GLCCI1: variants seen among roughly 807,000 people sequenced by gnomAD.
The protein encoded by GLCCI1 is glucocorticoid-induced transcript 1 protein.
A neutral mutation model predicts 52.2 loss-of-function variants in GLCCI1; 24 were observed. That is an observed-to-expected ratio of 0.46 (90% CI 0.33 to 0.65). The LOEUF is 0.65. GLCCI1 is among the 30% of genes least tolerant of loss of function. The probability of loss-of-function intolerance (pLI) is 0.02; values close to 1 mark genes in which losing one functional copy is unlikely to be tolerated. For synonymous variants in GLCCI1, 310 were observed against 276.5 expected, an observed-to-expected ratio of 1.12 and a Z score of -1.20; for missense variants, 704 against 701.5, an observed-to-expected ratio of 1.00 and a Z score of -0.04.
intron 1 of GLCCI1, among the ~76,000 whole-genome samples, chr7:7,976,841 G>C (rs534508149): frequency 4.0e-5 from 6 of 151,764 alleles, no homozygotes; most frequent in South Asian, 2.1e-4. Context: ...AGGATCACTT[G>C]AGCCCAGGCG....
chr7:7,998,198 GTT>G (rs1780979263), intron 1 of GLCCI1, among the ~76,000 whole-genome samples: 1 of 142,018 alleles, frequency 7.0e-6, no homozygotes, highest in South Asian at 2.2e-4. Context: ...TTTTGTTGTT[GTT>G]GTTTTTTGTT....
At position 8,067,417 on chromosome 7, in the gene GLCCI1, T is replaced by G. The variant is rs1303857883; in HGVS notation, c.967-3504T>G. On this transcript the variant is annotated intron_variant, in intron 5 of 7. Coordinates refer to ENST00000223145, the MANE Select transcript of GLCCI1 (RefSeq NM_138426.4). ...GATATGTACATGATCCTTCATTGTG[T>G]TGTTAGCTGGTTACTTTGCAGACTT... Among the ~76,000 whole-genome samples the G allele has an allele frequency of 5.9e-5, 9 of 152,218 alleles. No homozygotes were observed. In the East Asian group the frequency reaches 1.7e-3, roughly 29 times the overall value.
Position 8,022,574 on chromosome 7 carries a change from G to T in GLCCI1, c.696+5G>T, listed in dbSNP as rs751196490. 1 of 1,545,264 alleles carries T rather than the reference G, an allele frequency of 6.5e-7. No homozygotes were observed. The highest frequency in any genetic ancestry group is 8.7e-7 in the Non-Finnish European group (1 of 1,143,598). Reference sequence around the variant, plus strand: ...AGTGCTGATCAACTAAAAGAGGTAAGTTATTTCTGTTTTCCGTCTGTAACC... The same window carrying T: ...AGTGCTGATCAACTAAAAGAGGTAATTTATTTCTGTTTTCCGTCTGTAACC... On this transcript the variant is annotated splice_donor_5th_base_variant and intron_variant, in intron 3 of 7. Transcript: ENST00000223145.
At chr7:8,073,840 A>G (rs1299458060) in intron 6 of GLCCI1, among the ~76,000 whole-genome samples, 1 of 152,158 alleles carries the variant, frequency 6.6e-6, no homozygotes, top group Non-Finnish European at 1.5e-5. Flanking sequence ...GTTTCATAAT[A>G]TCTACCATAT....
rs1413887995 is a variant in GLCCI1, at chr7:8,088,524, A to ATTTT, written c.*1988_*1989insTTTT. 6.6e-6 allele frequency: 1 copy of ATTTT among 152,610 alleles called. No individual in the cohort carries two copies. The highest frequency in any genetic ancestry group is 1.5e-5 in the Non-Finnish European group (1 of 68,024). The allele number at this position is 152,610 out of a possible 1,614,324, so 9.5% of individuals were successfully genotyped here. On this transcript the variant is annotated 3_prime_UTR_variant, in exon 8 of 8. Coordinates refer to ENST00000223145, the MANE Select transcript of GLCCI1 (RefSeq NM_138426.4). ...TTGATGAAAATACTATATTTTGTAG[A>ATTTT]TTATGGTTAAAGGGGGAAAATTACT...
At chr7:8,038,621 C>G (rs1781923256) in intron 3 of GLCCI1, among the ~76,000 whole-genome samples, 1 of 152,130 alleles carries the variant, frequency 6.6e-6, no homozygotes, top group Non-Finnish European at 1.5e-5. Context: ...GGATTAGAGA[C>G]TTAAATGTAA....
chr7:8,022,123 C>G (rs1781505117), intron 2 of GLCCI1, among the ~76,000 whole-genome samples: 1 of 152,040 alleles, frequency 6.6e-6, no homozygotes, highest in African/African-American at 2.4e-5. Flanking sequence ...TTCATTTTAC[C>G]TCTATTGAAT....
intron 1 of GLCCI1, among the ~76,000 whole-genome samples, chr7:7,975,921 G>T (rs1272099464): frequency 6.6e-6 from 1 of 152,138 alleles, no homozygotes; most frequent in Non-Finnish European, 1.5e-5. Flanking sequence ...GAATATAAGT[G>T]CTTTTCTCCC....
chr7:8,054,632 T>G (rs1419236948), intron 3 of GLCCI1, among the ~76,000 whole-genome samples: 1 of 152,120 alleles, frequency 6.6e-6, no homozygotes, highest in African/African-American at 2.4e-5. Flanking sequence ...ATATCTTTGT[T>G]GTATCTCTCT....
At chr7:8,012,116 G>C (rs543426139) in intron 2 of GLCCI1, among the ~76,000 whole-genome samples, 1 of 152,124 alleles carries the variant, frequency 6.6e-6, no homozygotes, top group Admixed American at 6.6e-5. Flanking sequence ...TGCCCAGCCA[G>C]GGGTCCAGTT....
At chr7:7,983,015 A>G (rs3209428) in intron 1 of GLCCI1, among the ~76,000 whole-genome samples, 1 of 152,192 alleles carries the variant, frequency 6.6e-6, no homozygotes, top group African/African-American at 2.4e-5. Context: ...TCTTTAGGAC[A>G]CTTGCCCCGT....
At chr7:8,002,705 T>C (rs994838074) in intron 1 of GLCCI1, among the ~76,000 whole-genome samples, 1 of 152,232 alleles carries the variant, frequency 6.6e-6, no homozygotes, top group African/African-American at 2.4e-5. Flanking sequence ...ATGTGAGATA[T>C]GACTCTGAAA....
intron 1 of GLCCI1, among the ~76,000 whole-genome samples, chr7:8,001,117 C>G (rs1018045162): frequency 6.6e-6 from 1 of 152,204 alleles, no homozygotes; most frequent in African/African-American, 2.4e-5. Context: ...TTATTTGATG[C>G]AGTTTCTTCC....
chr7:7,993,740 A>G (rs1780889517), intron 1 of GLCCI1, among the ~76,000 whole-genome samples: 1 of 151,794 alleles, frequency 6.6e-6, no homozygotes, highest in South Asian at 2.1e-4. Flanking sequence ...TGACTTTATT[A>G]TGTTGTAGAT....
intron 1 of GLCCI1, among the ~76,000 whole-genome samples, chr7:7,974,906 A>T (rs1180923913): frequency 6.6e-6 from 1 of 152,118 alleles, no homozygotes; most frequent in Non-Finnish European, 1.5e-5. Flanking sequence ...TCTTTTATTA[A>T]GTGTCTAAGA....
intron 1 of GLCCI1, among the ~76,000 whole-genome samples, chr7:7,974,039 A>G (rs927898718): frequency 6.6e-6 from 1 of 152,140 alleles, no homozygotes; most frequent in Non-Finnish European, 1.5e-5. Flanking sequence ...GCTTATAGAT[A>G]CTTGTTTCAA....
intron 5 of GLCCI1, among the ~76,000 whole-genome samples, chr7:8,063,306 T>C (rs561028595): frequency 1.1e-4 from 17 of 150,564 alleles, no homozygotes; most frequent in Non-Finnish European, 1.9e-4. Flanking sequence ...CCCGACTAAC[T>C]TTTTGTATTT....
intron 1 of GLCCI1, among the ~76,000 whole-genome samples, chr7:8,001,877 A>C (rs1781056309): frequency 6.6e-6 from 1 of 152,184 alleles, no homozygotes; most frequent in South Asian, 2.1e-4. Context: ...GTCCTCACTC[A>C]TAGGTGGGAA....
At chr7:8,019,911 G>A (rs571945096) in intron 2 of GLCCI1, among the ~76,000 whole-genome samples, 42 of 152,312 alleles carry the variant, frequency 2.8e-4, no homozygotes, top group Admixed American at 6.5e-4. Flanking sequence ...GAGTGAATGT[G>A]AAGGCTTAGG....
Sources: allele counts gnomAD v4.1 joint callset (sites outside exome capture counted in the v4.1 genomes callset), GRCh38; gene constraint gnomAD v4.1.1; transcripts MANE v1.5; gene names NCBI Gene and HGNC (gene_info 2026-07-23, HGNC 2026-07-21).